The following NEK11 variants were observed in gnomAD, a reference collection of about 807,000 sequenced individuals.
NEK11 encodes the protein serine/threonine-protein kinase Nek11.
A neutral mutation model predicts 80.7 loss-of-function variants in NEK11; 72 were observed. The observed-to-expected ratio is 0.89, with a 90% CI of 0.74 to 1.08. NEK11 has a LOEUF of 1.08. Among genes scored for constraint, NEK11 ranks in the 50% least tolerant of loss-of-function variants. The pLI, the probability that NEK11 is intolerant of heterozygous loss-of-function variation, is 0.00. For missense variants in NEK11, 764 were observed against 763.6 expected (o/e 1.00, Z -0.01); for synonymous variants, 251 against 260.7 (o/e 0.96, Z 0.36).
chr3:131,309,609 A>AT (rs11381029), intron 17 of NEK11, among the ~76,000 whole-genome samples: 94,358 of 149,180 alleles, frequency 0.63, 30,477 homozygotes, highest in Middle Eastern at 0.74. Context: ...AATGCTTTCT[A>AT]TTTTTTTTTT....
intron 4 of NEK11, among the ~76,000 whole-genome samples, chr3:131,108,792 T>G (rs1357736935): frequency 1.3e-5 from 2 of 152,046 alleles, no homozygotes; most frequent in Admixed American, 1.3e-4. Flanking sequence ...TCCACAGTTA[T>G]TATATTCCTT....
At chr3:131,337,024 A>C (rs2097196814) in intron 17 of NEK11, among the ~76,000 whole-genome samples, 1 of 152,156 alleles carries the variant, frequency 6.6e-6, no homozygotes, top group African/African-American at 2.4e-5. Flanking sequence ...GTGGGACTGT[A>C]AACTAGTTCA....
chr3:131,119,064 G>T (rs2081893214), intron 5 of NEK11, among the ~76,000 whole-genome samples: 1 of 151,868 alleles, frequency 6.6e-6, no homozygotes, highest in East Asian at 1.9e-4. Context: ...GTGATGTTAG[G>T]GTGTCAATTT....
intron 3 of NEK11, among the ~76,000 whole-genome samples, chr3:131,047,877 G>GGT (rs1415609778): frequency 6.6e-6 from 1 of 152,230 alleles, no homozygotes; most frequent in Non-Finnish European, 1.5e-5. Flanking sequence ...TACCAGAGCA[G>GGT]GTAGAGAAAG....
intron 14 of NEK11, among the ~76,000 whole-genome samples, chr3:131,204,456 C>T (rs2094379787): frequency 1.3e-5 from 2 of 152,042 alleles, no homozygotes; most frequent in African/African-American, 4.8e-5. Context: ...GTCTTGGGGA[C>T]TGAGCTCTCA....
intron 3 of NEK11, among the ~76,000 whole-genome samples, chr3:131,067,083 G>C (rs755580968): frequency 5.3e-5 from 8 of 152,016 alleles, no homozygotes; most frequent in Non-Finnish European, 1.2e-4. Flanking sequence ...AGTGGGTAGA[G>C]GTTTTCTCAT....
intron 9 of NEK11, among the ~76,000 whole-genome samples, chr3:131,153,470 A>G (rs2090061492): frequency 6.6e-6 from 1 of 152,218 alleles, no homozygotes. Context: ...TTAAGAAAGC[A>G]GAAAATGGTC....
chr3:131,348,308 T>C (rs2097397210), intron 17 of NEK11, among the ~76,000 whole-genome samples: 1 of 152,082 alleles, frequency 6.6e-6, no homozygotes, highest in South Asian at 2.1e-4. Flanking sequence ...ATGGAGTAAA[T>C]ATTGGCACAT....
At chr3:131,153,047 G>T (rs546189872) in intron 9 of NEK11, among the ~76,000 whole-genome samples, 1 of 152,078 alleles carries the variant, frequency 6.6e-6, no homozygotes, top group Non-Finnish European at 1.5e-5. Flanking sequence ...AGATTGCGCC[G>T]CTGCACTCCA....
chr3:131,186,165 A>C (rs2093592584), intron 14 of NEK11, among the ~76,000 whole-genome samples: 1 of 152,238 alleles, frequency 6.6e-6, no homozygotes, highest in Non-Finnish European at 1.5e-5. Flanking sequence ...ATAGTATTTC[A>C]ACTTTAATCA....
chr3:131,186,485 G>A (rs901792072), intron 14 of NEK11, among the ~76,000 whole-genome samples: 2 of 152,076 alleles, frequency 1.3e-5, no homozygotes, highest in African/African-American at 4.8e-5. Context: ...CCTAATTCAC[G>A]CCAAGGAAGG....
chr3:131,252,607 A>C (rs2095728705), intron 16 of NEK11, among the ~76,000 whole-genome samples: 2 of 152,070 alleles, frequency 1.3e-5, no homozygotes, highest in Admixed American at 1.3e-4. Flanking sequence ...TTTGCATTTC[A>C]AGTTCAGTGT....
At chr3:131,109,552 C>T (rs1403746783) in intron 4 of NEK11, 5 of 329,682 alleles carry the variant, frequency 1.5e-5, no homozygotes, top group Non-Finnish European at 2.7e-5. Context: ...GGGTTGTGGC[C>T]TTGGGCTTTT....
chr3:131,331,120 C>T (rs1582115683), intron 17 of NEK11, among the ~76,000 whole-genome samples: 1 of 152,212 alleles, frequency 6.6e-6, no homozygotes, highest in African/African-American at 2.4e-5. Context: ...CACATTCATG[C>T]ACTATGTGAC....
intron 14 of NEK11, among the ~76,000 whole-genome samples, chr3:131,216,532 A>G (rs116063211): frequency 0.036 from 5,257 of 147,892 alleles, 132 homozygotes; most frequent in East Asian, 0.09. Flanking sequence ...TACCTGGAGT[A>G]TTCATTTCTC....
At chr3:131,289,286 C>G (rs2108948259) in intron 17 of NEK11, among the ~76,000 whole-genome samples, 1 of 152,284 alleles carries the variant, frequency 6.6e-6, no homozygotes, top group South Asian at 2.1e-4. Context: ...GATTAGGGCC[C>G]ACAATAACAG....
intron 5 of NEK11, among the ~76,000 whole-genome samples, chr3:131,126,817 A>T (rs1000395657): frequency 1.3e-5 from 2 of 152,094 alleles, no homozygotes; most frequent in Admixed American, 6.5e-5. Context: ...ATGCTTAAAG[A>T]TGTATGTTAG....
chr3:131,214,711 G>GTGTGTGTT (rs1425741691), intron 14 of NEK11, among the ~76,000 whole-genome samples: 2 of 151,640 alleles, frequency 1.3e-5, no homozygotes, highest in Non-Finnish European at 2.9e-5. Context: ...GTGTGTGTGT[G>GTGTGTGTT]TGTGTGTGTG....
intron 3 of NEK11, among the ~76,000 whole-genome samples, chr3:131,051,040 A>T (rs766882239): frequency 6.6e-6 from 1 of 152,222 alleles, no homozygotes; most frequent in African/African-American, 2.4e-5. Context: ...CTCCAAAAAA[A>T]ATTAGTATAA....
Sources: allele counts gnomAD v4.1 joint callset (sites outside exome capture counted in the v4.1 genomes callset), GRCh38; gene constraint gnomAD v4.1.1; transcripts MANE v1.5; gene names NCBI Gene and HGNC (gene_info 2026-07-23, HGNC 2026-07-21).